Variants in TANGO6 observed in about 807,000 individuals in gnomAD.
TANGO6 encodes the protein transport and golgi organization 6 homolog, also known as transport and Golgi organization protein 6 homolog.
Under a neutral mutation model 114.2 loss-of-function variants are expected in TANGO6, and 90 were observed. The observed-to-expected ratio is 0.79, with a 90% confidence interval of 0.66 to 0.94. The LOEUF (loss-of-function observed/expected upper bound fraction) is 0.94. TANGO6 is among the 40% of genes least tolerant of loss of function. The pLI, the probability that TANGO6 is intolerant of heterozygous loss-of-function variation, is 0.00. For missense variants in TANGO6, 1,274 were observed against 1,315.3 expected, an observed-to-expected ratio of 0.97 and a Z score of 0.49; for synonymous variants, 477 against 509.8, an observed-to-expected ratio of 0.94 and a Z score of 0.87.
chr16:69,073,641 C>T (rs1960329034), intron 17 of TANGO6, among the ~76,000 whole-genome samples: 1 of 152,118 alleles, frequency 6.6e-6, no homozygotes, highest in Non-Finnish European at 1.5e-5. Context: ...AATAAGACTT[C>T]CTTGCCCAAA....
intron 11 of TANGO6, 114 bp from the exon 12 acceptor site, chr16:68,918,971 T>G: frequency 7.6e-7 from 1 of 1,309,752 alleles, no homozygotes; most frequent in East Asian, 2.5e-5. Context: ...TTCTGGATGG[T>G]TCTTGCTATC....
intron 4 of TANGO6, among the ~76,000 whole-genome samples, chr16:68,869,985 A>G (rs1371473766): frequency 1.3e-5 from 2 of 152,130 alleles, no homozygotes; most frequent in African/African-American, 4.8e-5. Context: ...TGAGTTCAGG[A>G]TGTTGAACTT....
At chr16:68,977,144 A>G (rs561949292) in intron 15 of TANGO6, among the ~76,000 whole-genome samples, 10 of 152,254 alleles carry the variant, frequency 6.6e-5, no homozygotes, top group Admixed American at 2.6e-4. Flanking sequence ...CAGAGGATTT[A>G]TAGAAATTCC....
rs1224847194 is a variant in TANGO6, at chr16:69,083,833, T to C, written c.*172T>C. 4.8e-6 allele frequency: 3 copies of C among 630,276 alleles called. No homozygotes were observed. The highest frequency in any genetic ancestry group is 8.1e-6 in the Non-Finnish European group (3 of 369,298). The allele number at this position is 630,276 out of a possible 1,614,324, so 39.0% of individuals were successfully genotyped here. ...CTTCAGGGTCCCTTCCGAGGGCATG[T>C]GTTCAGCACTCCCGCGTTCAGCCTG... is the stretch of plus-strand genomic sequence containing the variant. On this transcript the variant is annotated 3_prime_UTR_variant, in exon 18 of 18. Coordinates refer to ENST00000261778, the MANE Select transcript of TANGO6 (RefSeq NM_024562.2).
intron 7 of TANGO6, among the ~76,000 whole-genome samples, chr16:68,889,707 T>C (rs1962586062): frequency 6.6e-6 from 1 of 152,188 alleles, no homozygotes; most frequent in South Asian, 2.1e-4. Flanking sequence ...TCTGGTATGG[T>C]GTAGCACCTT....
Position 68,969,819 on chromosome 16 carries a change from G to A in TANGO6, c.2702-4209G>A, listed in dbSNP as rs150311611. On this transcript the variant is annotated intron_variant, in intron 14 of 17. Coordinates refer to ENST00000261778, the MANE Select transcript of TANGO6 (RefSeq NM_024562.2). ...TATTGGCTTTTCTATCCAGAAAGTCGAGTGGGTGGAGTACACCTGGGTCCC... is the reference window on the plus strand; with the variant it reads ...TATTGGCTTTTCTATCCAGAAAGTCAAGTGGGTGGAGTACACCTGGGTCCC... Among the ~76,000 whole-genome samples, 299 of 152,226 alleles carry A rather than the reference G, an allele frequency of 2.0e-3. 1 individual carries two copies. The highest frequency in any genetic ancestry group is 5.3e-3 in the African/African-American group (221 of 41,546).
intron 11 of TANGO6, among the ~76,000 whole-genome samples, chr16:68,912,989 A>G (rs549595943): frequency 8.2e-4 from 125 of 151,690 alleles, no homozygotes; most frequent in African/African-American, 2.5e-3. Context: ...CTGAGGCATG[A>G]AAAACACTTG....
chr16:69,051,719 G>A (rs533273549), intron 17 of TANGO6, among the ~76,000 whole-genome samples: 4 of 152,012 alleles, frequency 2.6e-5, no homozygotes, highest in East Asian at 1.9e-4. Context: ...CCAGGCATGC[G>A]CCTGTAATCC....
At chr16:68,993,401 A>C (rs1963962458) in intron 15 of TANGO6, among the ~76,000 whole-genome samples, 1 of 152,254 alleles carries the variant, frequency 6.6e-6, no homozygotes, top group African/African-American at 2.4e-5. Flanking sequence ...CAGAATAATG[A>C]AGCACCTGAT....
At chr16:68,944,737 C>G (rs1321509549) in intron 14 of TANGO6, among the ~76,000 whole-genome samples, 1 of 152,170 alleles carries the variant, frequency 6.6e-6, no homozygotes, top group Non-Finnish European at 1.5e-5. Context: ...TGGAATCCCA[C>G]TTCTGACACC....
intron 14 of TANGO6, among the ~76,000 whole-genome samples, chr16:68,944,585 C>G (rs886416179): frequency 9.9e-5 from 15 of 152,008 alleles, no homozygotes; most frequent in Admixed American, 9.8e-4. Flanking sequence ...AGAACTTTAC[C>G]CAAAGCAGGA....
chr16:69,022,855 C>T lies in TANGO6; in HGVS notation c.2870C>T (p.Pro957Leu). ...GACATGGTCTCAAAGTACCGAGAAC[C>T]TTTGATCCATACCTTCCTGAGGGGA... is the stretch of plus-strand genomic sequence containing the variant. ...LGDMVSKYRE[P>L]LIHTFLRGVR... The change falls in exon 16 of 18, where the codon CCT becomes CTT. Residue 957 changes from proline to leucine, a missense_variant. Coordinates refer to ENST00000261778, the MANE Select transcript of TANGO6 (RefSeq NM_024562.2). 6.3e-7 allele frequency: 1 copy of T among 1,588,730 alleles called. No homozygotes were observed. Among genetic ancestry groups the T allele is most frequent in the Non-Finnish European group, 8.6e-7 (1 of 1,166,822 alleles).
intron 15 of TANGO6, among the ~76,000 whole-genome samples, chr16:69,007,512 G>A (rs1263186801): frequency 4.6e-5 from 7 of 151,724 alleles, no homozygotes; most frequent in Non-Finnish European, 7.4e-5. Flanking sequence ...TGATCCATCC[G>A]CCTCGGTCTC....
At chr16:69,010,462 G>A (rs537075318) in intron 15 of TANGO6, among the ~76,000 whole-genome samples, 1 of 152,164 alleles carries the variant, frequency 6.6e-6, no homozygotes, top group African/African-American at 2.4e-5. Context: ...TTCTGATCAT[G>A]TTCACCTCTC....
At chr16:68,989,421 T>G (rs1238040051) in intron 15 of TANGO6, among the ~76,000 whole-genome samples, 1 of 152,190 alleles carries the variant, frequency 6.6e-6, no homozygotes, top group African/African-American at 2.4e-5. Context: ...CCAGTGAATA[T>G]TTTATTTTCG....
At chr16:68,920,191 G>C (rs1963071158) in intron 12 of TANGO6, among the ~76,000 whole-genome samples, 2 of 152,220 alleles carry the variant, frequency 1.3e-5, no homozygotes, top group South Asian at 4.1e-4. Flanking sequence ...CTAAATGACT[G>C]TTCAGAAATG....
In TANGO6 at chr16:69,050,436, G is replaced by T. The variant is rs146050232; in HGVS notation, c.3108+10015G>T. 6.2e-3 allele frequency among the ~76,000 whole-genome samples: 944 copies of T among 151,896 alleles called. 9 individuals carry two copies. Among genetic ancestry groups the T allele is most frequent in the African/African-American group, 0.022 (899 of 41,388 alleles). ...GGCTCGGTGCAGCCTCAAACTCCTA[G>T]GCTCAAGCAATCCTTCCACCTCAGC... On this transcript the variant is annotated intron_variant, in intron 17 of 17. Coordinates refer to ENST00000261778, the MANE Select transcript of TANGO6 (RefSeq NM_024562.2).
In TANGO6 at chr16:68,930,287, C is replaced by T; in HGVS notation, c.2693C>T (p.Ala898Val). Residue 898 changes from alanine (A) to valine (V), a missense_variant, in exon 14 of 18, where the codon GCA becomes GTA. Ala to Val is a moderately conservative substitution (Grantham distance 64). Around this residue, in one of 5 missense-constraint regions of TANGO6, gnomAD observed 238 missense variants for 252.9 expected, o/e 0.94. Transcript: ENST00000261778. ...GAAGACACTTTTGTATATCTATCTGCAATTCAGGGTAAGTCAGTCCTGGTT... is the reference window on the plus strand; with the variant it reads ...GAAGACACTTTTGTATATCTATCTGTAATTCAGGGTAAGTCAGTCCTGGTT... ...EHEDTFVYLS[A>V]IQGVALLSDV... 6.4e-7 allele frequency: 1 copy of T among 1,554,040 alleles called. No individual in the cohort carries two copies. The highest frequency in any genetic ancestry group is 1.2e-5 in the South Asian group (1 of 84,220).
chr16:68,947,231 G>A (rs989893009), intron 14 of TANGO6, among the ~76,000 whole-genome samples: 6 of 152,124 alleles, frequency 3.9e-5, no homozygotes, highest in African/African-American at 7.2e-5. Flanking sequence ...GCCGAGGCAG[G>A]CGGATCACGA....
Sources: gnomAD v4.1 joint callset for allele counts (sites outside exome capture counted in the v4.1 genomes callset) on GRCh38, gnomAD v4.1.1 for gene constraint, gnomAD v4.1.1 regional missense constraint, MANE v1.5 for transcripts, NCBI Gene and HGNC (gene_info 2026-07-23, HGNC 2026-07-21) for gene names.